Variants in HDAC8 observed in about 807,000 individuals in gnomAD.
The protein encoded by HDAC8 is histone deacetylase-like 1.
In HDAC8, 1 loss-of-function variant was observed where a neutral mutation model predicts 32.2. That is an observed-to-expected ratio of 0.03 (90% confidence interval 0.01 to 0.15). The LOEUF (loss-of-function observed/expected upper bound fraction) is 0.15, where lower values mean the gene tolerates loss of function less well. Ranked by LOEUF, HDAC8 falls within the 10% of genes least tolerant of loss-of-function variation. The pLI is 1.00. For synonymous variants in HDAC8, 108 were observed against 113.9 expected, an observed-to-expected ratio of 0.95 and a Z score of 0.33; for missense variants, 117 against 300.0, an observed-to-expected ratio of 0.39 and a Z score of 4.51.
intron 9 of HDAC8, among the ~76,000 whole-genome samples, chrX:72,381,333 A>C (rs2045262146): frequency 9.0e-6 from 1 of 111,680 alleles, no homozygotes. Context: ...TGAATTAACC[A>C]AGATGACAGT....
intron 9 of HDAC8, among the ~76,000 whole-genome samples, chrX:72,378,314 T>C (rs1291844216): frequency 9.0e-6 from 1 of 111,158 alleles, no homozygotes; most frequent in African/African-American, 3.3e-5. Flanking sequence ...CAAAACTGGA[T>C]TAGTTCTTGC....
chrX:72,492,191 C>T (rs2048891811), intron 5 of HDAC8, among the ~76,000 whole-genome samples: 2 of 112,016 alleles, frequency 1.8e-5, no homozygotes, highest in Non-Finnish European at 1.9e-5. Flanking sequence ...ATTGATCAAT[C>T]CAGAAATGTT....
chrX:72,437,105 G>T (rs2046972161), intron 9 of HDAC8, among the ~76,000 whole-genome samples: 1 of 111,954 alleles, frequency 8.9e-6, no homozygotes, highest in Non-Finnish European at 1.9e-5. Flanking sequence ...CAACGCAGAA[G>T]GTGGGTGATT....
rs139750773 is a variant in HDAC8 at position 72,449,094 on chromosome X, A to G, written c.1005+12910T>C. Among the ~76,000 whole-genome samples the G allele has an allele frequency of 8.2e-3, 926 of 112,418 alleles. 14 individuals carry two copies. Among genetic ancestry groups the G allele is most frequent in the African/African-American group, 0.028 (877 of 30,959 alleles). On this transcript the variant is annotated intron_variant, in intron 9 of 10. Transcript: ENST00000373573. ...GTATATACCCAAAGGATTATAAATC[A>G]TTCTACTATAAAGACACATGAACAC...
At chrX:72,443,278 G>C (rs1460879403) in intron 9 of HDAC8, among the ~76,000 whole-genome samples, 10 of 108,712 alleles carry the variant, frequency 9.2e-5, no homozygotes, top group Admixed American at 3.0e-4. Flanking sequence ...TGACCACATA[G>C]TTGGAAGTAA....
chrX:72,356,643 C>T (rs1395983604), intron 9 of HDAC8, among the ~76,000 whole-genome samples: 2 of 109,893 alleles, frequency 1.8e-5, no homozygotes, highest in Admixed American at 9.7e-5. Context: ...GTCGTGATCT[C>T]GACTCACTGC....
chrX:72,367,237 C>T (rs782147541), intron 9 of HDAC8, among the ~76,000 whole-genome samples: 120 of 112,016 alleles, frequency 1.1e-3, no homozygotes, highest in African/African-American at 3.6e-3. Context: ...TGGTGCTTCC[C>T]GGCAGCCAGC....
chrX:72,568,621 T>C, intron 3 of HDAC8, 133 bp downstream of exon 3: 3 of 754,830 alleles, frequency 4.0e-6, no homozygotes, highest in Non-Finnish European at 5.8e-6. Context: ...TAGTGAGTTA[T>C]ATGTGGCTAA....
At chrX:72,343,246 G>T (rs3012662) in intron 10 of HDAC8, among the ~76,000 whole-genome samples, 12,581 of 108,209 alleles carry the variant, frequency 0.12, 747 homozygotes, top group South Asian at 0.34. Flanking sequence ...CATGGCTCAC[G>T]GCAGCCTTGA....
At chrX:72,568,968 G>A in intron 2 of HDAC8, 84 bp from the exon 3 acceptor site, 1 of 1,000,626 alleles carries the variant, frequency 1.0e-6, no homozygotes, top group South Asian at 2.3e-5. Flanking sequence ...CCAGCAGTCT[G>A]AGAAGAAAAT....
intron 9 of HDAC8, among the ~76,000 whole-genome samples, chrX:72,437,951 G>A (rs1409972633): frequency 1.8e-5 from 2 of 112,334 alleles, no homozygotes; most frequent in Non-Finnish European, 3.8e-5. Flanking sequence ...TGCTGGCTCT[G>A]AACAGAGCAG....
At chrX:72,394,617 T>C (rs782266670) in intron 9 of HDAC8, among the ~76,000 whole-genome samples, 1 of 112,328 alleles carries the variant, frequency 8.9e-6, no homozygotes, top group Non-Finnish European at 1.9e-5. Context: ...TATGGAGCCC[T>C]GAATTTCTCA....
intron 4 of HDAC8, among the ~76,000 whole-genome samples, chrX:72,522,186 G>A (rs1000822279): frequency 3.2e-4 from 36 of 111,856 alleles, no homozygotes; most frequent in African/African-American, 1.2e-3. Flanking sequence ...TATATACAGT[G>A]GTAATGATAA....
At chrX:72,468,055 TA>T in intron 7 of HDAC8, 1 of 1,162,981 alleles carries the variant, frequency 8.6e-7, no homozygotes. Flanking sequence ...TTCAGAAAGG[TA>T]GGGCATCTTG....
chrX:72,347,212 A>C (rs1387028563), intron 10 of HDAC8, among the ~76,000 whole-genome samples: 1 of 111,477 alleles, frequency 9.0e-6, no homozygotes, highest in East Asian at 2.8e-4. Flanking sequence ...TATTCTTCTT[A>C]TTATTTCATC....
intron 4 of HDAC8, among the ~76,000 whole-genome samples, chrX:72,530,501 T>A (rs1306350917): frequency 9.2e-6 from 1 of 108,919 alleles, no homozygotes; most frequent in African/African-American, 3.4e-5. Context: ...CTTAATCTCT[T>A]AAGATCCTAA....
chrX:72,381,868 T>C (rs2045273895), intron 9 of HDAC8, among the ~76,000 whole-genome samples: 1 of 112,048 alleles, frequency 8.9e-6, no homozygotes, highest in Admixed American at 9.4e-5. Flanking sequence ...TCTGTGTAGG[T>C]GTTGACAAGC....
chrX:72,526,122 G>T (rs1204750018), intron 4 of HDAC8, among the ~76,000 whole-genome samples: 2 of 111,017 alleles, frequency 1.8e-5, no homozygotes, highest in African/African-American at 6.6e-5. Flanking sequence ...CCTGAACATG[G>T]TATTTAAGGC....
At chrX:72,452,911 C>T (rs1226618163) in intron 9 of HDAC8, among the ~76,000 whole-genome samples, 2 of 110,625 alleles carry the variant, frequency 1.8e-5, no homozygotes, top group East Asian at 2.8e-4. Context: ...TCTAAAACAG[C>T]TATTATAAAT....
Sources: allele counts gnomAD v4.1 joint callset (sites outside exome capture counted in the v4.1 genomes callset), GRCh38; gene constraint gnomAD v4.1.1; transcripts MANE v1.5; gene names NCBI Gene and HGNC (gene_info 2026-07-23, HGNC 2026-07-21).